The following RGS19 variants were observed in gnomAD, a reference collection of about 807,000 sequenced individuals.
The protein encoded by RGS19 is G alpha interacting protein.
Under a neutral mutation model 22.0 loss-of-function variants are expected in RGS19, and 9 were observed. The ratio of observed to expected loss-of-function variants is 0.41; its 90% CI spans 0.25 to 0.71. The LOEUF is 0.71. RGS19 is among the 30% of genes least tolerant of loss of function. The pLI, the probability that RGS19 is intolerant of heterozygous loss-of-function variation, is 0.32. For missense variants in RGS19, 256 were observed against 307.1 expected (o/e 0.83, Z 1.24); for synonymous variants, 130 against 127.3 (o/e 1.02, Z -0.14).
rs1056976033 is a variant in RGS19, at chr20:64,075,959, G to A, written c.152+566C>T. The stretch of plus-strand genomic sequence containing the variant: ...TGCAATGACGCGATCTCGGCTCAAC[G>A]CAACCTCCGCCTCCCAGGTTCAAGC... On this transcript the variant is annotated intron_variant, in intron 3 of 5. Coordinates refer to ENST00000395042, the MANE Select transcript of RGS19 (RefSeq NM_005873.3). The surrounding 1 kb of genome is among the most constrained non-coding windows in gnomAD (Gnocchi z 4.6). Among the ~76,000 whole-genome samples, 3 of 151,606 alleles carry A rather than the reference G, an allele frequency of 2.0e-5. No homozygotes were observed. Among genetic ancestry groups the A allele is most frequent in the Non-Finnish European group, 2.9e-5 (2 of 67,936 alleles).
chr20:64,079,817 G>C (rs1188563815), upstream of RGS19: 1 of 150,620 alleles, frequency 6.6e-6, no homozygotes, highest in Non-Finnish European at 1.5e-5. This position sits in a 1 kb window ranked among gnomAD's most constrained non-coding sequence, Gnocchi z 5.1. Flanking sequence ...ACGGTCCCCG[G>C]GCCCGGGCCG....
chr20:64,076,818 T>TC (rs1267532259), intron 2 of RGS19, 39 bp downstream of exon 2: 1 of 1,573,836 alleles, frequency 6.4e-7, no homozygotes, highest in Non-Finnish European at 8.6e-7. Context: ...CCACCCCATC[T>TC]CCCCCAGGGG....
Position 64,073,934 on chromosome 20 carries a change from G to A in RGS19, c.573C>T (p.Asp191=), listed in dbSNP as rs754301519. 2 of 1,613,778 alleles carry A rather than the reference G, an allele frequency of 1.2e-6. No individual in the cohort carries two copies. Among genetic ancestry groups the A allele is most frequent in the Non-Finnish European group, 8.5e-7 (1 of 1,179,850 alleles). The change falls in exon 6 of 6, where the codon GAC becomes GAT. Residue 191 remains aspartate (D), a synonymous_variant. Coordinates refer to ENST00000395042, the MANE Select transcript of RGS19 (RefSeq NM_005873.3). ...QLQIYTLMHR[D]SYPRFLSSPT... is the part of the protein sequence containing the mutation. The stretch of plus-strand genomic sequence containing the variant: ...GAGAGCTGAGGAAGCGGGGGTAGGA[G>A]TCCCGGTGCATGAGCGTGTAGATCT...
upstream of RGS19, chr20:64,079,850 C>G (rs1479582101): frequency 2.0e-5 from 3 of 149,570 alleles, no homozygotes; most frequent in East Asian, 2.0e-4. The surrounding 1 kb of genome is among the most constrained non-coding windows in gnomAD (Gnocchi z 5.1). Flanking sequence ...CCGCTGTCCC[C>G]GGCGCTGCGC....
Position 64,079,022 on chromosome 20 carries a change from G to A in RGS19, c.-69+272C>T, listed in dbSNP as rs1475249788. Among the ~76,000 whole-genome samples, 1 of 152,178 alleles carries A rather than the reference G, an allele frequency of 6.6e-6. No individual in the cohort carries two copies. The highest frequency in any genetic ancestry group is 1.5e-5 in the Non-Finnish European group (1 of 68,010). On this transcript the variant is annotated intron_variant, in intron 1 of 5. Coordinates refer to ENST00000395042, the MANE Select transcript of RGS19 (RefSeq NM_005873.3). The surrounding 1 kb of genome is among the most constrained non-coding windows in gnomAD (Gnocchi z 5.1). ...AAAAAATGTCATAACCTTTGGGAGG[G>A]GGGTTGAAGAGGGGCTCCATTCTCA...
intron 2 of RGS19, 104 bp downstream of exon 2, chr20:64,076,753 C>A: frequency 6.5e-7 from 1 of 1,527,522 alleles, no homozygotes; most frequent in Non-Finnish European, 8.9e-7. Context: ...CATGACCCTT[C>A]TGGCCTCCCG....
At chr20:64,076,489 C>A in intron 3 of RGS19, 36 bp downstream of exon 3, 3 of 1,610,798 alleles carry the variant, frequency 1.9e-6, no homozygotes, top group Non-Finnish European at 1.7e-6. Flanking sequence ...ATGCCCTCGA[C>A]CCCCTCGCCA....
rs1016310427 is a variant in RGS19 at position 64,075,841 on chromosome 20, C to T, written c.152+684G>A. ...GTCTCTGTTCAAACGTCCCTCCACC[C>T]CACACACTGTATGGGGTCTGTGCCT... On this transcript the variant is annotated intron_variant, in intron 3 of 5. Coordinates refer to ENST00000395042, the MANE Select transcript of RGS19 (RefSeq NM_005873.3). The surrounding 1 kb of genome is among the most constrained non-coding windows in gnomAD (Gnocchi z 4.6). Among the ~76,000 whole-genome samples, 29 of 152,184 alleles carry T rather than the reference C, an allele frequency of 1.9e-4. No individual in the cohort carries two copies. Among genetic ancestry groups the T allele is most frequent in the Admixed American group, 3.3e-4 (5 of 15,296 alleles).
In RGS19 at chr20:64,073,763, T is replaced by A; in HGVS notation, c.*90A>T. ...GGTGGGGACCCCAGCCGGCCAGGCA[T>A]GTGCCCTGACAGCCCTGCCGACAAC... On this transcript the variant is annotated 3_prime_UTR_variant, in exon 6 of 6. Transcript: ENST00000395042. 1 of 1,202,180 alleles carries A rather than the reference T, an allele frequency of 8.3e-7. No homozygotes were observed. The highest frequency in any genetic ancestry group is 1.4e-5 in the South Asian group (1 of 70,316). 74.5% of individuals were successfully genotyped at this position (1,202,180 alleles called of 1,614,324 possible). A position where few individuals can be genotyped will look rare whatever the true frequency, so the allele number is the denominator to read the frequency against.
chr20:64,074,584 C>T lies in RGS19; in HGVS notation c.153-43G>A. ...GCAGCGCTGCCGTGGGCACACACGC[C>T]TCCACGGCCACACAGGCCCTCAGCA... On this transcript the variant is annotated intron_variant, in intron 3 of 5. Transcript: ENST00000395042. 8 of 1,515,668 alleles carry T rather than the reference C, an allele frequency of 5.3e-6. No homozygotes were observed. In the East Asian group the frequency reaches 9.9e-5, roughly 19 times the overall value. 93.9% of individuals were successfully genotyped at this position (1,515,668 alleles called of 1,614,324 possible). A position where few individuals can be genotyped will look rare whatever the true frequency, so the allele number is the denominator to read the frequency against.
chr20:64,077,030 G>C, intron 1 of RGS19, 76 bp from the exon 2 acceptor site: 1 of 759,042 alleles, frequency 1.3e-6, no homozygotes, highest in Non-Finnish European at 2.0e-6. Context: ...GGGGTCCTGA[G>C]AGGGTGTCTC....
In RGS19 at chr20:64,073,765, T is replaced by A. The variant is rs564430703; in HGVS notation, c.*88A>T. On this transcript the variant is annotated 3_prime_UTR_variant, in exon 6 of 6. Coordinates refer to ENST00000395042, the MANE Select transcript of RGS19 (RefSeq NM_005873.3). ...TGGGGACCCCAGCCGGCCAGGCATG[T>A]GCCCTGACAGCCCTGCCGACAACAA... 4.1e-5 allele frequency: 50 copies of A among 1,220,500 alleles called. No homozygotes were observed. In the African/African-American group the frequency reaches 6.8e-4, roughly 17 times the overall value. The allele number at this position is 1,220,500 out of a possible 1,614,324, so 75.6% of individuals were successfully genotyped here.
At position 64,076,566 on chromosome 20, in the gene RGS19, G is replaced by A. The variant is rs2059907072; in HGVS notation, c.111C>T (p.Asn37=). Residue 37 remains asparagine, a synonymous_variant, in exon 3 of 6, where the codon AAC becomes AAT. Coordinates refer to ENST00000395042, the MANE Select transcript of RGS19 (RefSeq NM_005873.3). The part of the protein sequence containing the change: ...DTASPAAPSR[N]PCCLCWCCCC... ...AGCAGCACCAGCACAGGCAGCAGGGGTTGCGGCTGGGGGCCGCTGGAGAGG... is the reference window on the plus strand; with the variant it reads ...AGCAGCACCAGCACAGGCAGCAGGGATTGCGGCTGGGGGCCGCTGGAGAGG... 2 of 1,612,976 alleles carry A rather than the reference G, an allele frequency of 1.2e-6. No homozygotes were observed. The highest frequency in any genetic ancestry group is 1.3e-5 in the African/African-American group (1 of 75,076).
Position 64,073,571 on chromosome 20 carries a change from G to C in RGS19, c.*282C>G. On this transcript the variant is annotated 3_prime_UTR_variant, in exon 6 of 6. Coordinates refer to ENST00000395042, the MANE Select transcript of RGS19 (RefSeq NM_005873.3). ...GGGGACCCCTACTCTCACCACGCAA[G>C]AGCCCCCAGCCAGGAGCACTGGGCC... The C allele has an allele frequency of 2.4e-6, 1 of 410,042 alleles. No individual in the cohort carries two copies. The highest frequency in any genetic ancestry group is 4.4e-6 in the Non-Finnish European group (1 of 226,484). The allele number at this position is 410,042 out of a possible 1,614,324, so 25.4% of individuals were successfully genotyped here. A position where few individuals can be genotyped will look rare whatever the true frequency, so the allele number is the denominator to read the frequency against.
At chr20:64,078,508 C>A (rs1271872753) in intron 1 of RGS19, among the ~76,000 whole-genome samples, 1 of 152,204 alleles carries the variant, frequency 6.6e-6, no homozygotes, top group Non-Finnish European at 1.5e-5. Context: ...ACTCTAGCAC[C>A]CCTGAGACTG....
intron 2 of RGS19, 35 bp from the exon 3 acceptor site, chr20:64,076,681 C>A: frequency 6.4e-7 from 1 of 1,568,172 alleles, no homozygotes; most frequent in Non-Finnish European, 8.7e-7. Context: ...GCTTTCAGGT[C>A]AGAACCCACC....
At position 64,076,769 on chromosome 20, in the gene RGS19, T is replaced by C. The variant is rs546108810; in HGVS notation, c.30+88A>G. 10 of 1,541,326 alleles carry C rather than the reference T, an allele frequency of 6.5e-6. No individual in the cohort carries two copies. The South Asian group carries it at 1.1e-4, about 18-fold the overall frequency. ...ATGACCCTTCTGGCCTCCCGGGTGT[T>C]CAGGGATCTCCCAGCTCCTTGTGGC... On this transcript the variant is annotated intron_variant, in intron 2 of 5. Coordinates refer to ENST00000395042, the MANE Select transcript of RGS19 (RefSeq NM_005873.3).
At position 64,074,299 on chromosome 20, in the gene RGS19, C is replaced by A; in HGVS notation, c.307G>T (p.Val103Leu). ...TCTGTCCGCAGGAACGCCCGGAACA[C>A]GCTGCGTCCCGCTGGGCTGTGCATC... is the stretch of plus-strand genomic sequence containing the variant. Reference protein sequence around the residue: ...KLMHSPAGRSVFRAFLRTEYS... With the variant: ...KLMHSPAGRSLFRAFLRTEYS... Residue 103 changes from valine (V) to leucine (L), a missense_variant, in exon 5 of 6, where the codon GTG becomes TTG. Val to Leu is a conservative substitution (Grantham distance 32, BLOSUM62 1). Transcript: ENST00000395042. The A allele has an allele frequency of 1.2e-6, 2 of 1,612,980 alleles. No individual in the cohort carries two copies. The highest frequency in any genetic ancestry group is 1.7e-6 in the Non-Finnish European group (2 of 1,180,024).
At chr20:64,076,221 C>T (rs2059904086) in intron 3 of RGS19, among the ~76,000 whole-genome samples, 1 of 152,256 alleles carries the variant, frequency 6.6e-6, no homozygotes, top group Admixed American at 6.5e-5. Flanking sequence ...AGGGCCTAGC[C>T]TGGGCTGGCT....
Sources: allele counts gnomAD v4.1 joint callset (sites outside exome capture counted in the v4.1 genomes callset), GRCh38; gene constraint gnomAD v4.1.1; non-coding constraint Gnocchi (gnomAD v3.1); transcripts MANE v1.5; gene names NCBI Gene and HGNC (gene_info 2026-07-23, HGNC 2026-07-21).